Variants in ZBTB20 observed in about 807,000 individuals in gnomAD.
ZBTB20 encodes the protein zinc finger and BTB domain containing 20.
ZBTB20 carries 9 observed loss-of-function variants against 56.9 expected under a neutral mutation model. That is an observed-to-expected ratio of 0.16 (90% CI 0.10 to 0.28). The LOEUF (loss-of-function observed/expected upper bound fraction) is 0.28. Among genes scored for constraint, ZBTB20 ranks in the 10% least tolerant of loss-of-function variants. The pLI, the probability that ZBTB20 is intolerant of heterozygous loss-of-function variation, is 1.00. For missense variants in ZBTB20, 655 were observed against 1,003.0 expected, an observed-to-expected ratio of 0.65 and a Z score of 4.69; for synonymous variants, 417 against 420.7, an observed-to-expected ratio of 0.99 and a Z score of 0.11.
At chr3:114,651,408 G>C (rs1266105318) in intron 6 of ZBTB20, among the ~76,000 whole-genome samples, 3 of 152,056 alleles carry the variant, frequency 2.0e-5, no homozygotes, top group South Asian at 2.1e-4. Context: ...TAAATGCAGG[G>C]AAGTGGTAAG....
At chr3:114,552,642 G>A (rs1173229683) in intron 6 of ZBTB20, among the ~76,000 whole-genome samples, 2 of 152,180 alleles carry the variant, frequency 1.3e-5, no homozygotes, top group Non-Finnish European at 1.5e-5. Flanking sequence ...ATGGTTATGA[G>A]CTTTGGGAGC....
At chr3:114,707,383 C>T (rs2063776779) in intron 5 of ZBTB20, among the ~76,000 whole-genome samples, 1 of 152,036 alleles carries the variant, frequency 6.6e-6, no homozygotes, top group African/African-American at 2.4e-5. Flanking sequence ...CAAGCAATTC[C>T]CTACCCCCAA....
intron 4 of ZBTB20, among the ~76,000 whole-genome samples, chr3:114,869,882 A>G (rs901900431): frequency 1.3e-5 from 2 of 152,192 alleles, no homozygotes; most frequent in African/African-American, 4.8e-5. Context: ...TAATGCCAAA[A>G]ATAAAAACAA....
chr3:114,554,687 A>T (rs1287355592), intron 6 of ZBTB20, among the ~76,000 whole-genome samples: 1 of 152,164 alleles, frequency 6.6e-6, no homozygotes, highest in Non-Finnish European at 1.5e-5. Flanking sequence ...AGTTTCTACC[A>T]CTAGATGACC....
intron 6 of ZBTB20, among the ~76,000 whole-genome samples, chr3:114,567,274 T>C (rs2052887445): frequency 1.3e-5 from 2 of 152,212 alleles, no homozygotes; most frequent in Admixed American, 1.3e-4. Flanking sequence ...CTAGCAATTA[T>C]CTATCTACAG....
intron 7 of ZBTB20, among the ~76,000 whole-genome samples, chr3:114,395,513 A>C (rs188105556): frequency 6.6e-6 from 1 of 152,282 alleles, no homozygotes; most frequent in East Asian, 1.9e-4. Context: ...AAACATGTTA[A>C]GGAAGTCTAT....
intron 4 of ZBTB20, among the ~76,000 whole-genome samples, chr3:114,887,008 T>C (rs2076626265): frequency 6.6e-6 from 1 of 152,182 alleles, no homozygotes; most frequent in Non-Finnish European, 1.5e-5. Flanking sequence ...GAAAGCCTTC[T>C]TGCCGTGACA....
intron 6 of ZBTB20, among the ~76,000 whole-genome samples, chr3:114,673,347 T>G (rs2061457758): frequency 6.6e-6 from 1 of 152,112 alleles, no homozygotes; most frequent in South Asian, 2.1e-4. Context: ...ATATAAGGAT[T>G]AATTCCTATT....
At chr3:114,506,228 T>A (rs2044596113) in intron 6 of ZBTB20, among the ~76,000 whole-genome samples, 2 of 152,168 alleles carry the variant, frequency 1.3e-5, no homozygotes, top group Non-Finnish European at 2.9e-5. Context: ...CTTAAGATGC[T>A]ATGATAACAA....
In ZBTB20 at chr3:114,328,126, T is replaced by A. The variant is rs1047844111; in HGVS notation, c.*10879A>T. The stretch of plus-strand genomic sequence containing the variant: ...TTTATTTAAGTATATATTAAGTTTA[T>A]GTTTAGGCAATCTCTGGTTGCAAAA... On this transcript the variant is annotated 3_prime_UTR_variant, in exon 12 of 12. Transcript: ENST00000675478. 1 of 152,224 alleles carries A rather than the reference T, an allele frequency of 6.6e-6. No individual in the cohort carries two copies. Among genetic ancestry groups the A allele is most frequent in the Non-Finnish European group, 1.5e-5 (1 of 68,040 alleles). 9.4% of individuals were successfully genotyped at this position (152,224 alleles called of 1,614,324 possible).
In ZBTB20 at chr3:114,853,435, G is replaced by T. The variant is rs548818713; in HGVS notation, c.-417+46869C>A. Among the ~76,000 whole-genome samples the T allele has an allele frequency of 2.6e-5, 4 of 152,208 alleles. No individual in the cohort carries two copies. The South Asian group carries it at 8.3e-4, about 32-fold the overall frequency. ...TATGCATCTCATTTTCTATTTAATT[G>T]TTTGTTGCACAGCAACATATGCGAC... On this transcript the variant is annotated intron_variant, in intron 4 of 11. Coordinates refer to ENST00000675478, the MANE Select transcript of ZBTB20 (RefSeq NM_001348800.3).
intron 3 of ZBTB20, among the ~76,000 whole-genome samples, chr3:114,950,086 A>G (rs2077012830): frequency 6.6e-6 from 1 of 152,114 alleles, no homozygotes; most frequent in African/African-American, 2.4e-5. Flanking sequence ...AACTAAAATG[A>G]AAAAAGACCA....
chr3:114,385,287 G>T (rs184273155), intron 8 of ZBTB20, among the ~76,000 whole-genome samples: 1 of 152,282 alleles, frequency 6.6e-6, no homozygotes, highest in Admixed American at 6.5e-5. Flanking sequence ...GGGCAGGAGA[G>T]AAAGGGTAGG....
chr3:114,643,555 C>T (rs115314687), intron 6 of ZBTB20, among the ~76,000 whole-genome samples: 451 of 152,196 alleles, frequency 3.0e-3, no homozygotes, highest in Non-Finnish European at 4.8e-3. Context: ...GTTTGTGTGG[C>T]TAATCTTTGG....
At chr3:114,556,318 A>G (rs1269902675) in intron 6 of ZBTB20, among the ~76,000 whole-genome samples, 1 of 151,986 alleles carries the variant, frequency 6.6e-6, no homozygotes, top group Non-Finnish European at 1.5e-5. Context: ...TACATTTTCT[A>G]TGAAGTCACC....
chr3:114,667,842 A>G (rs769520965), intron 6 of ZBTB20, among the ~76,000 whole-genome samples: 2 of 151,966 alleles, frequency 1.3e-5, no homozygotes, highest in Non-Finnish European at 2.9e-5. Flanking sequence ...TATTAATGAG[A>G]GGTAGCATTA....
intron 1 of ZBTB20, among the ~76,000 whole-genome samples, chr3:115,088,671 T>G (rs75811951): frequency 0.015 from 2,338 of 152,020 alleles, 33 homozygotes; most frequent in South Asian, 0.051. Flanking sequence ...TGTACAAGTT[T>G]GCATACATGT....
chr3:114,847,977 C>T (rs564907745), intron 4 of ZBTB20, among the ~76,000 whole-genome samples: 32 of 152,252 alleles, frequency 2.1e-4, no homozygotes, highest in African/African-American at 6.5e-4. Flanking sequence ...CACTCTTATG[C>T]CTCCTAATCC....
At chr3:114,791,154 G>T (rs1046380863) in intron 5 of ZBTB20, among the ~76,000 whole-genome samples, 7 of 152,086 alleles carry the variant, frequency 4.6e-5, no homozygotes, top group African/African-American at 1.7e-4. Flanking sequence ...GTCCCCTACA[G>T]ATAAGGAAAA....
Sources: gnomAD v4.1 joint callset for allele counts (sites outside exome capture counted in the v4.1 genomes callset) on GRCh38, gnomAD v4.1.1 for gene constraint, MANE v1.5 for transcripts, NCBI Gene and HGNC (gene_info 2026-07-23, HGNC 2026-07-21) for gene names.